Variants in CNTNAP2 observed in about 807,000 individuals in gnomAD.
CNTNAP2 encodes the protein contactin associated protein 2.
In CNTNAP2, 98 loss-of-function variants were observed where a neutral mutation model predicts 155.2. The ratio of observed to expected loss-of-function variants is 0.63; its 90% CI spans 0.54 to 0.75. The LOEUF is 0.75. CNTNAP2 is among the 30% of genes least tolerant of loss of function. The pLI is 0.00. For synonymous variants in CNTNAP2, 651 were observed against 631.2 expected (o/e 1.03, Z -0.47); for missense variants, 1,727 against 1,688.1 (o/e 1.02, Z -0.40).
chr7:147,892,735 T>C (rs1799715118), intron 13 of CNTNAP2, among the ~76,000 whole-genome samples: 1 of 152,208 alleles, frequency 6.6e-6, no homozygotes, highest in Non-Finnish European at 1.5e-5. Context: ...TTAAATATTA[T>C]GCAATACAAT....
intron 1 of CNTNAP2, among the ~76,000 whole-genome samples, chr7:146,295,203 A>G (rs1158973376): frequency 6.6e-6 from 1 of 152,212 alleles, no homozygotes; most frequent in Non-Finnish European, 1.5e-5. Context: ...TACTGAAGAT[A>G]TCAAAATGAA....
chr7:147,257,664 C>A (rs994546638), intron 8 of CNTNAP2, among the ~76,000 whole-genome samples: 1 of 152,088 alleles, frequency 6.6e-6, no homozygotes. Context: ...TTTAAAATGA[C>A]GCTAGGAAAT....
intron 13 of CNTNAP2, among the ~76,000 whole-genome samples, chr7:147,810,604 G>A (rs1798163779): frequency 6.6e-6 from 1 of 152,134 alleles, no homozygotes; most frequent in Non-Finnish European, 1.5e-5. Context: ...CAGGTAGAAA[G>A]TTTAATATTA....
chr7:146,138,523 T>C (rs1181334805), intron 1 of CNTNAP2, among the ~76,000 whole-genome samples: 2 of 152,158 alleles, frequency 1.3e-5, no homozygotes, highest in Non-Finnish European at 2.9e-5. Flanking sequence ...GACCATATCA[T>C]TCACAAGTAT....
intron 12 of CNTNAP2, among the ~76,000 whole-genome samples, chr7:147,615,969 A>G (rs916859763): frequency 4.6e-5 from 7 of 151,522 alleles, no homozygotes; most frequent in Non-Finnish European, 1.0e-4. Flanking sequence ...TGGCTCTTCT[A>G]TTTCCCACAA....
intron 18 of CNTNAP2, among the ~76,000 whole-genome samples, chr7:148,195,857 T>A (rs1262309023): frequency 1.3e-5 from 2 of 152,140 alleles, no homozygotes; most frequent in African/African-American, 2.4e-5. Context: ...TAATATTTCC[T>A]GAGCAATTGA....
At chr7:147,600,685 G>A (rs961245635) in intron 12 of CNTNAP2, among the ~76,000 whole-genome samples, 1 of 152,048 alleles carries the variant, frequency 6.6e-6, no homozygotes, top group Non-Finnish European at 1.5e-5. Flanking sequence ...TTCTGGCATA[G>A]AGGACATTCT....
chr7:147,894,965 C>CTTTTTTTTT (rs1175962918), intron 13 of CNTNAP2, among the ~76,000 whole-genome samples: 26 of 36,186 alleles, frequency 7.2e-4, no homozygotes, highest in African/African-American at 8.7e-4. Context: ...TTCTTTCTTT[C>CTTTTTTTTT]TTTTTTTTTT....
At chr7:146,579,855 T>C (rs1023091800) in intron 1 of CNTNAP2, among the ~76,000 whole-genome samples, 2 of 152,126 alleles carry the variant, frequency 1.3e-5, no homozygotes, top group South Asian at 2.1e-4. Context: ...AGTTTCTTAG[T>C]GTACATAATA....
chr7:147,895,005 C>A (rs10278604), intron 13 of CNTNAP2, among the ~76,000 whole-genome samples: 11,632 of 101,452 alleles, frequency 0.11, 706 homozygotes, highest in East Asian at 0.26. Flanking sequence ...GAGTCTTACT[C>A]TGTCGCCCAG....
intron 22 of CNTNAP2, among the ~76,000 whole-genome samples, chr7:148,385,815 G>C (rs142169773): frequency 1.5e-5 from 2 of 132,822 alleles, no homozygotes; most frequent in African/African-American, 5.8e-5. Flanking sequence ...TGGCACCATT[G>C]CAACCTCTGC....
chr7:148,406,341 C>T (rs1230339346), intron 22 of CNTNAP2, among the ~76,000 whole-genome samples: 1 of 152,194 alleles, frequency 6.6e-6, no homozygotes, highest in African/African-American at 2.4e-5. Flanking sequence ...GGAAATATCA[C>T]TCACTCACAA....
intron 13 of CNTNAP2, among the ~76,000 whole-genome samples, chr7:147,770,070 AC>A (rs1188540027): frequency 1.3e-5 from 2 of 152,150 alleles, no homozygotes; most frequent in Non-Finnish European, 2.9e-5. Flanking sequence ...CACGATATAC[AC>A]CTGTCCTTTT....
intron 11 of CNTNAP2, among the ~76,000 whole-genome samples, chr7:147,510,009 T>C (rs538677447): frequency 3.3e-4 from 50 of 152,188 alleles, no homozygotes; most frequent in African/African-American, 1.2e-3. Context: ...AGTAAGTCAA[T>C]ACAAGTACAG....
intron 10 of CNTNAP2, among the ~76,000 whole-genome samples, chr7:147,462,839 C>T (rs1477800081): frequency 1.3e-5 from 2 of 152,058 alleles, no homozygotes; most frequent in Non-Finnish European, 2.9e-5. Context: ...AGTGCAGTGG[C>T]GCAATCTTGG....
At chr7:146,929,423 C>T (rs984549342) in intron 3 of CNTNAP2, among the ~76,000 whole-genome samples, 4 of 152,070 alleles carry the variant, frequency 2.6e-5, no homozygotes, top group Non-Finnish European at 5.9e-5. Context: ...GACATCCACA[C>T]CAAAAACCCA....
At chr7:147,228,373 G>T (rs911318367) in intron 8 of CNTNAP2, among the ~76,000 whole-genome samples, 9 of 152,272 alleles carry the variant, frequency 5.9e-5, no homozygotes, top group Admixed American at 5.2e-4. Context: ...AGTAATGTAG[G>T]AGAAAGGGGG....
At chr7:146,222,771 T>C (rs558713153) in intron 1 of CNTNAP2, among the ~76,000 whole-genome samples, 1 of 151,604 alleles carries the variant, frequency 6.6e-6, no homozygotes, top group South Asian at 2.1e-4. Context: ...TTCTTCTGCC[T>C]CAGCCTCCCA....
At chr7:147,548,802 C>A (rs1010489508) in intron 11 of CNTNAP2, among the ~76,000 whole-genome samples, 4 of 152,058 alleles carry the variant, frequency 2.6e-5, no homozygotes, top group Non-Finnish European at 5.9e-5. Context: ...AGGAAGGGGT[C>A]CAGTTTCAGT....
Sources: allele counts gnomAD v4.1 joint callset (sites outside exome capture counted in the v4.1 genomes callset), GRCh38; gene constraint gnomAD v4.1.1; transcripts MANE v1.5; gene names NCBI Gene and HGNC (gene_info 2026-07-23, HGNC 2026-07-21).